Variants in KALRN observed in about 807,000 individuals in gnomAD.
KALRN encodes the protein kalirin RhoGEF kinase.
KALRN carries 70 observed loss-of-function variants against 353.7 expected under a neutral mutation model. That is an observed-to-expected ratio of 0.20 (90% CI 0.16 to 0.24). The LOEUF (loss-of-function observed/expected upper bound fraction) is 0.24. Ranked by LOEUF, KALRN falls within the 10% of genes least tolerant of loss-of-function variation. The pLI is 1.00. For synonymous variants in KALRN, 1,391 were observed against 1,434.8 expected, an observed-to-expected ratio of 0.97 and a Z score of 0.69; for missense variants, 2,791 against 3,756.7, an observed-to-expected ratio of 0.74 and a Z score of 6.72.
At chr3:124,455,592 C>T (rs971083847) in intron 22 of KALRN, among the ~76,000 whole-genome samples, 1 of 152,126 alleles carries the variant, frequency 6.6e-6, no homozygotes, top group Non-Finnish European at 1.5e-5. Context: ...AATCGACTGG[C>T]CAGTAGTGGG....
chr3:124,693,961 A>G (rs2061940929), intron 52 of KALRN, 130 bp downstream of exon 52: 4 of 668,026 alleles, frequency 6.0e-6, no homozygotes, highest in Non-Finnish European at 1.0e-5. Context: ...AAAGAGGTTT[A>G]TGATAAATTA....
At chr3:124,575,692 A>G (rs1248076002) in intron 34 of KALRN, among the ~76,000 whole-genome samples, 1 of 151,940 alleles carries the variant, frequency 6.6e-6, no homozygotes, top group African/African-American at 2.4e-5. Flanking sequence ...GCTTCCAGAG[A>G]CCACCACACT....
chr3:124,153,578 A>C (rs1449683832), intron 1 of KALRN, among the ~76,000 whole-genome samples: 1 of 150,976 alleles, frequency 6.6e-6, no homozygotes, highest in East Asian at 1.9e-4. Context: ...CAATAAACAT[A>C]CGTGTGCATG....
rs1553707031 is a variant in KALRN, at chr3:124,642,806, G to GTTTTTTTTTTGTTGTTGTTTTTTTTTTTT, written c.5664+5513_5664+5514insGTTGTTGTTTTTTTTTTTTTTTTTTTTTT. Among the ~76,000 whole-genome samples the GTTTTTTTTTTGTTGTTGTTTTTTTTTTTT allele has an allele frequency of 9.3e-4, 90 of 96,812 alleles. 3 individuals carry two copies. Among genetic ancestry groups the GTTTTTTTTTTGTTGTTGTTTTTTTTTTTT allele is most frequent in the East Asian group, 5.2e-3 (11 of 2,100 alleles). The allele number at this position is 96,812 out of a possible 152,430, so 63.5% of individuals were successfully genotyped here. A position where few individuals can be genotyped will look rare whatever the true frequency, so the allele number is the denominator to read the frequency against. ...TCTGTGGAAGAGATTCCCAAGCCTC[G>GTTTTTTTTTTGTTGTTGTTTTTTTTTTTT]TTTTTTTTTTTTTTTTTTTTGAGAC... On this transcript the variant is annotated intron_variant, in intron 37 of 59. Transcript: ENST00000682506.
chr3:124,247,952 A>G (rs1409802052), intron 3 of KALRN, among the ~76,000 whole-genome samples: 4 of 152,238 alleles, frequency 2.6e-5, no homozygotes, highest in Non-Finnish European at 5.9e-5. Context: ...TTAGAAAAAA[A>G]GATTTATTCA....
intron 10 of KALRN, among the ~76,000 whole-genome samples, chr3:124,361,504 G>A (rs1202430966): frequency 6.6e-6 from 1 of 152,160 alleles, no homozygotes; most frequent in Non-Finnish European, 1.5e-5. Flanking sequence ...TTCTTTGCTA[G>A]TGGCATTTTT....
At position 124,491,328 on chromosome 3, in the gene KALRN, A is replaced by G; in HGVS notation, c.4593A>G (p.Ser1531=). The G allele has an allele frequency of 2.5e-6, 4 of 1,600,096 alleles. No homozygotes were observed. Among genetic ancestry groups the G allele is most frequent in the Non-Finnish European group, 3.4e-6 (4 of 1,172,738 alleles). The part of the protein sequence containing the change: ...KYVYKNKLLT[S]ELGVTEHVEG... ...TAGGCATTTCCTGTCTACAGACCTC[A>G]GAGCTGGGTGTGACCGAGCACGTGG... Residue 1531 remains serine (S), a synonymous_variant, in exon 31 of 60, where the codon TCA becomes TCG. Transcript: ENST00000682506.
chr3:124,505,865 A>G (rs760775310), intron 33 of KALRN, among the ~76,000 whole-genome samples: 3 of 152,186 alleles, frequency 2.0e-5, no homozygotes, highest in Non-Finnish European at 4.4e-5. Context: ...AAGTGGGAAA[A>G]TGTAACTCTT....
At position 124,420,205 on chromosome 3, in the gene KALRN, A is replaced by G. The variant is rs561276680; in HGVS notation, c.2543-2607A>G. Reference sequence around the variant, plus strand: ...GATGAAAATGCAGGGACTGAGTCTCAGGACATGCTGGGAGCCTGCTCTGTT... The same window carrying G: ...GATGAAAATGCAGGGACTGAGTCTCGGGACATGCTGGGAGCCTGCTCTGTT... On this transcript the variant is annotated intron_variant, in intron 14 of 59. Transcript: ENST00000682506. Among the ~76,000 whole-genome samples, 5 of 152,358 alleles carry G rather than the reference A, an allele frequency of 3.3e-5. No homozygotes were observed. The South Asian group carries it at 1.0e-3, about 32-fold the overall frequency.
chr3:124,075,282 C>T (rs1238855234), intron 1 of KALRN, among the ~76,000 whole-genome samples: 2 of 152,216 alleles, frequency 1.3e-5, no homozygotes, highest in Admixed American at 6.5e-5. Context: ...AGGTGGGTGC[C>T]ATATGGTTCT....
At chr3:124,552,498 A>G (rs900243686) in intron 33 of KALRN, among the ~76,000 whole-genome samples, 3 of 152,222 alleles carry the variant, frequency 2.0e-5, no homozygotes, top group African/African-American at 7.2e-5. Flanking sequence ...CACAGTGTAA[A>G]TAAACATGTA....
At chr3:124,425,040 A>T (rs913856122) in intron 15 of KALRN, among the ~76,000 whole-genome samples, 1 of 152,186 alleles carries the variant, frequency 6.6e-6, no homozygotes, top group African/African-American at 2.4e-5. Flanking sequence ...TGAGCCAGGC[A>T]CAGAAATACT....
chr3:124,250,548 G>A (rs557423506), intron 3 of KALRN, among the ~76,000 whole-genome samples: 2 of 152,300 alleles, frequency 1.3e-5, no homozygotes, highest in East Asian at 3.9e-4. Context: ...CTTACAGTGG[G>A]GTGGCTGAGG....
intron 1 of KALRN, among the ~76,000 whole-genome samples, chr3:124,177,187 G>A (rs1560154187): frequency 1.3e-5 from 2 of 152,228 alleles, no homozygotes. Flanking sequence ...GGGCCTGGGA[G>A]TCTGAGGACT....
At position 124,671,846 on chromosome 3, in the gene KALRN, G is replaced by T. The variant is rs759710043; in HGVS notation, c.6890G>T (p.Gly2297Val). The change falls in exon 48 of 60, where the codon GGC becomes GTC. Residue 2297 changes from glycine to valine, a missense_variant. Transcript: ENST00000682506. ...CCCCTGAAGATATCTACCTCCAATG[G>T]CAGTCCAGGGTTTGAATACCACCAG... ...LPPLKISTSN[G>V]SPGFEYHQPG... 1.2e-6 allele frequency: 2 copies of T among 1,614,146 alleles called. No individual in the cohort carries two copies. Among genetic ancestry groups the T allele is most frequent in the East Asian group, 4.5e-5 (2 of 44,888 alleles).
chr3:124,671,268 C>T (rs1173272911), intron 47 of KALRN, among the ~76,000 whole-genome samples: 1 of 152,220 alleles, frequency 6.6e-6, no homozygotes, highest in Non-Finnish European at 1.5e-5. Context: ...TCCCACCTCA[C>T]AGACCCTTCT....
chr3:124,065,154 AG>A (rs2042254247), intron 1 of KALRN, among the ~76,000 whole-genome samples: 1 of 152,198 alleles, frequency 6.6e-6, no homozygotes, highest in African/African-American at 2.4e-5. Flanking sequence ...GTAAGAGAGA[AG>A]GTTTCTTATT....
chr3:124,499,992 C>T (rs970504346), intron 33 of KALRN, among the ~76,000 whole-genome samples: 1 of 152,148 alleles, frequency 6.6e-6, no homozygotes, highest in African/African-American at 2.4e-5. Flanking sequence ...CATCTAAATA[C>T]AAATACATCT....
chr3:124,471,256 TTTATTATTA>T (rs139584790), intron 25 of KALRN, among the ~76,000 whole-genome samples: 5,399 of 138,770 alleles, frequency 0.039, 200 homozygotes, highest in African/African-American at 0.084. Context: ...CCCACAAAGT[TTTATTATTA>T]TTATTATTAT....
Sources: gnomAD v4.1 joint callset for allele counts (sites outside exome capture counted in the v4.1 genomes callset) on GRCh38, gnomAD v4.1.1 for gene constraint, MANE v1.5 for transcripts, NCBI Gene and HGNC (gene_info 2026-07-23, HGNC 2026-07-21) for gene names.